The following MEIKIN variants were observed in gnomAD, a reference collection of about 807,000 sequenced individuals.
MEIKIN encodes the protein meiosis-specific kinetochore protein.
At chr5:131,902,504 G>GTA (rs368844460) in intron 8 of MEIKIN, among the ~76,000 whole-genome samples, 2 of 141,524 alleles carry the variant, frequency 1.4e-5, no homozygotes, top group African/African-American at 5.7e-5. Context: ...TGTACATCTT[G>GTA]CTTCCTGTAC....
intron 12 of MEIKIN, among the ~76,000 whole-genome samples, chr5:131,812,841 G>A (rs1328791831): frequency 6.6e-6 from 1 of 151,892 alleles, no homozygotes; most frequent in Non-Finnish European, 1.5e-5. Flanking sequence ...TGAACCTTTA[G>A]GATTTTGGAG....
intron 4 of MEIKIN, among the ~76,000 whole-genome samples, chr5:131,939,156 A>C (rs767213185): frequency 6.6e-6 from 1 of 152,208 alleles, no homozygotes; most frequent in African/African-American, 2.4e-5. Context: ...CCTCTGCTTC[A>C]ATGTCTTAGA....
chr5:131,875,686 A>C (rs1750599470), intron 9 of MEIKIN, among the ~76,000 whole-genome samples: 1 of 152,222 alleles, frequency 6.6e-6, no homozygotes, highest in Non-Finnish European at 1.5e-5. Flanking sequence ...CGCATCGCCA[A>C]GTCAATCTTA....
chr5:131,893,465 C>T (rs778274521), intron 8 of MEIKIN, among the ~76,000 whole-genome samples: 21 of 152,192 alleles, frequency 1.4e-4, no homozygotes, highest in African/African-American at 5.1e-4. Flanking sequence ...GTGGGAGCGA[C>T]CCGATATTCC....
At position 131,812,533 on chromosome 5, in the gene MEIKIN, C is replaced by T. The variant is rs1023359004; in HGVS notation, c.1100-5275G>A. Among the ~76,000 whole-genome samples, 9 of 152,286 alleles carry T rather than the reference C, an allele frequency of 5.9e-5. No individual in the cohort carries two copies. The East Asian group carries it at 1.5e-3, about 26-fold the overall frequency. On this transcript the variant is annotated intron_variant, in intron 12 of 12. Coordinates refer to ENST00000442687, the MANE Select transcript of MEIKIN (RefSeq NM_001303622.2). ...GCGAAGAATTAGGTATTGCATCTGG[C>T]ACCTCCTATAACCAAAAGGCAGACA...
chr5:131,943,615 T>C (rs986899861), intron 3 of MEIKIN, among the ~76,000 whole-genome samples: 6 of 152,170 alleles, frequency 3.9e-5, no homozygotes, highest in Admixed American at 3.9e-4. Flanking sequence ...ATAAGACAAC[T>C]GGTCATTTTT....
chr5:131,831,697 G>A (rs887491919), intron 11 of MEIKIN, among the ~76,000 whole-genome samples: 3 of 152,160 alleles, frequency 2.0e-5, no homozygotes, highest in African/African-American at 7.2e-5. Context: ...ACCCGAGACT[G>A]GGAAGAAAAA....
At chr5:131,888,721 C>G (rs891452709) in intron 8 of MEIKIN, among the ~76,000 whole-genome samples, 8 of 152,272 alleles carry the variant, frequency 5.3e-5, no homozygotes, top group Middle Eastern at 3.4e-3. Context: ...TTAATTAGAT[C>G]CCATTTCTCA....
intron 7 of MEIKIN, among the ~76,000 whole-genome samples, chr5:131,914,784 G>C (rs956202101): frequency 3.3e-5 from 5 of 152,212 alleles, no homozygotes; most frequent in African/African-American, 1.2e-4. Flanking sequence ...TTATTAGAAA[G>C]AGAAGGGGGA....
At chr5:131,917,563 C>CAAA (rs546218361) in intron 6 of MEIKIN, among the ~76,000 whole-genome samples, 1 of 76,744 alleles carries the variant, frequency 1.3e-5, no homozygotes, top group African/African-American at 4.7e-5. Context: ...TACTCCATCT[C>CAAA]AAAAAAAAAA....
chr5:131,841,451 T>C lies in MEIKIN; in HGVS notation c.975+9813A>G, dbSNP rs555538361. 3.9e-5 allele frequency among the ~76,000 whole-genome samples: 6 copies of C among 152,312 alleles called. No individual in the cohort carries two copies. In the South Asian group the frequency reaches 1.2e-3, roughly 32 times the overall value. On this transcript the variant is annotated intron_variant, in intron 11 of 12. Coordinates refer to ENST00000442687, the MANE Select transcript of MEIKIN (RefSeq NM_001303622.2). The stretch of plus-strand genomic sequence containing the variant: ...GGCATTTACAGCAGCAGTATGTCTG[T>C]TTCTATACCAGTACCATACTGTTAC...
rs528449205 is a variant in MEIKIN at position 131,808,372 on chromosome 5, T to C, written c.1100-1114A>G. ...AATACACATCCAAGGCCATGACCTA[T>C]ATTCTCCCTCACCATCACCTACAGT... is the stretch of plus-strand genomic sequence containing the variant. On this transcript the variant is annotated intron_variant, in intron 12 of 12. Transcript: ENST00000442687. 1.9e-4 allele frequency among the ~76,000 whole-genome samples: 29 copies of C among 152,334 alleles called. No individual in the cohort carries two copies. In the South Asian group the frequency reaches 5.6e-3, roughly 29 times the overall value.
intron 8 of MEIKIN, among the ~76,000 whole-genome samples, chr5:131,887,227 A>G (rs190579698): frequency 7.4e-4 from 113 of 152,128 alleles, no homozygotes; most frequent in South Asian, 6.2e-3. Context: ...AATCCAGTCT[A>G]TCATTGATGG....
At chr5:131,878,474 G>A (rs1750651586) in intron 9 of MEIKIN, among the ~76,000 whole-genome samples, 1 of 152,162 alleles carries the variant, frequency 6.6e-6, no homozygotes, top group Admixed American at 6.5e-5. Context: ...GGCTGAGGCA[G>A]GAGAATGGCA....
At chr5:131,904,479 C>T (rs1751211181) in intron 8 of MEIKIN, among the ~76,000 whole-genome samples, 1 of 152,108 alleles carries the variant, frequency 6.6e-6, no homozygotes, top group Non-Finnish European at 1.5e-5. Flanking sequence ...GACCACAGAG[C>T]AATAAAAATA....
intron 8 of MEIKIN, among the ~76,000 whole-genome samples, chr5:131,896,536 A>G (rs1379896534): frequency 6.6e-6 from 1 of 152,118 alleles, no homozygotes; most frequent in Non-Finnish European, 1.5e-5. Context: ...GTAGGTCTCT[A>G]AGGACTTGCT....
At chr5:131,819,541 A>T (rs748531149) in intron 11 of MEIKIN, among the ~76,000 whole-genome samples, 9 of 151,788 alleles carry the variant, frequency 5.9e-5, no homozygotes, top group Admixed American at 5.9e-4. Flanking sequence ...ATTAAGAAGC[A>T]GAGATGTATT....
At chr5:131,870,490 C>A (rs143391449) in intron 9 of MEIKIN, among the ~76,000 whole-genome samples, 1 of 152,100 alleles carries the variant, frequency 6.6e-6, no homozygotes, top group African/African-American at 2.4e-5. Flanking sequence ...TAGGACATTT[C>A]GCCCGTTTCC....
intron 9 of MEIKIN, among the ~76,000 whole-genome samples, chr5:131,864,579 G>A (rs889693850): frequency 6.6e-6 from 1 of 152,206 alleles, no homozygotes; most frequent in South Asian, 2.1e-4. Flanking sequence ...GGCTTCTGCT[G>A]AGAGAGTCTG....
Sources: allele counts gnomAD v4.1 joint callset (sites outside exome capture counted in the v4.1 genomes callset), GRCh38; gene constraint gnomAD v4.1.1; transcripts MANE v1.5; gene names NCBI Gene and HGNC (gene_info 2026-07-23, HGNC 2026-07-21).